FCRL3: variants seen among roughly 807,000 people sequenced by gnomAD.
FCRL3 encodes Fc receptor-like protein 3.
A neutral mutation model predicts 75.0 loss-of-function variants in FCRL3; 89 were observed. That is an observed-to-expected ratio of 1.19 (90% CI 1.00 to 1.42). The LOEUF is 1.42. Ranked by LOEUF, FCRL3 falls within the 40% of genes most tolerant of loss-of-function variation. The pLI is 0.00. For synonymous variants in FCRL3, 376 were observed against 348.5 expected (o/e 1.08, Z -0.88); for missense variants, 946 against 880.0 (o/e 1.07, Z -0.95).
intron 10 of FCRL3, among the ~76,000 whole-genome samples, 154 bp from the exon 11 acceptor site, chr1:157,683,398 A>G (rs1347881840): frequency 7.1e-6 from 1 of 141,262 alleles, no homozygotes; most frequent in Non-Finnish European, 1.5e-5. Context: ...TACTCCCCCT[A>G]TGTTATGTTA....
intron 13 of FCRL3, among the ~76,000 whole-genome samples, chr1:157,679,704 C>T (rs1410542706): frequency 6.6e-6 from 1 of 151,466 alleles, no homozygotes; most frequent in African/African-American, 2.4e-5. Context: ...TGATGCATGC[C>T]TGTAATCCCG....
rs772797473 is a variant in FCRL3, at chr1:157,698,384, C to G, written c.298G>C (p.Asp100His). The G allele has an allele frequency of 1.2e-6, 2 of 1,614,158 alleles. No homozygotes were observed. The highest frequency in any genetic ancestry group is 1.7e-6 in the Non-Finnish European group (2 of 1,180,010). Reference sequence around the variant, plus strand: ...TAGACACTCCCCTTCCATTCCTCACCAGGTGAAAATTCCACATGCACGGCA... The same window carrying G: ...TAGACACTCCCCTTCCATTCCTCACGAGGTGAAAATTCCACATGCACGGCA... ...SDAVHVEFSP[D>H]WLILQALHPV... The change falls in exon 4 of 15, where the codon GAC becomes CAC. Residue 100 changes from aspartate to histidine, a missense_variant and splice_region_variant. Transcript: ENST00000368184.
chr1:157,688,636 AG>A (rs1191133866), intron 10 of FCRL3, among the ~76,000 whole-genome samples: 1 of 151,642 alleles, frequency 6.6e-6, no homozygotes, highest in Non-Finnish European at 1.5e-5. Flanking sequence ...AAGGTCCTTC[AG>A]GCAGAACAAA....
rs1205478116 is a variant in FCRL3, at chr1:157,678,072, G to C, written c.*638C>G. On this transcript the variant is annotated 3_prime_UTR_variant, in exon 15 of 15. Transcript: ENST00000368184. Reference sequence around the variant, plus strand: ...CTTCACACATAAGGTCTTTGCAGTGGGGATACAAGTCACATATTAAACTAG... The same window carrying C: ...CTTCACACATAAGGTCTTTGCAGTGCGGATACAAGTCACATATTAAACTAG... 5.1e-6 allele frequency: 5 copies of C among 985,450 alleles called. No homozygotes were observed. Among genetic ancestry groups the C allele is most frequent in the Non-Finnish European group, 6.0e-6 (5 of 830,132 alleles). The allele number at this position is 985,450 out of a possible 1,614,324, so 61.0% of individuals were successfully genotyped here. A position where few individuals can be genotyped will look rare whatever the true frequency, so the allele number is the denominator to read the frequency against.
chr1:157,679,259 G>A (rs1273891617), intron 13 of FCRL3: 1 of 482,398 alleles, frequency 2.1e-6, no homozygotes, highest in East Asian at 3.8e-5. Flanking sequence ...CCCACCAAAT[G>A]CCCAGAACTA....
intron 13 of FCRL3, 30 bp downstream of exon 13, chr1:157,680,672 T>A (rs538914605): frequency 6.3e-7 from 1 of 1,597,266 alleles, no homozygotes; most frequent in South Asian, 1.1e-5. Flanking sequence ...CACTGCCACC[T>A]CACCTCTATT....
rs200122604 is a variant in FCRL3 at position 157,680,991 on chromosome 1, C to T, written c.1947G>A (p.Met649Ile). 6 of 1,587,250 alleles carry T rather than the reference C, an allele frequency of 3.8e-6. No individual in the cohort carries two copies. Among genetic ancestry groups the T allele is most frequent in the East Asian group, 2.2e-5 (1 of 44,788 alleles). ...CTAGGGAGTCCTCACCATTGCTGTA[C>T]ATTGGCTCCAGCTCCATTGGGGCTA... is the stretch of plus-strand genomic sequence containing the variant. ...KPLAPMELEP[M>I]YSNVNPGDSN... The change falls in exon 12 of 15, where the codon ATG becomes ATA. Residue 649 changes from methionine (M) to isoleucine (I), a missense_variant. Coordinates refer to ENST00000368184, the MANE Select transcript of FCRL3 (RefSeq NM_052939.4).
At position 157,678,671 on chromosome 1, in the gene FCRL3, G is replaced by T. The variant is rs751018056; in HGVS notation, c.*39C>A. 1.2e-6 allele frequency: 2 copies of T among 1,608,226 alleles called. No homozygotes were observed. The highest frequency in any genetic ancestry group is 1.7e-6 in the Non-Finnish European group (2 of 1,178,928). ...GGTTGGAGAGAACAGAAAAAAAAATGGTGCAGGCTGTTTCCTGTGGGCCAC... is the reference window on the plus strand; with the variant it reads ...GGTTGGAGAGAACAGAAAAAAAAATTGTGCAGGCTGTTTCCTGTGGGCCAC... On this transcript the variant is annotated 3_prime_UTR_variant, in exon 15 of 15. Transcript: ENST00000368184.
chr1:157,697,698 T>C lies in FCRL3; in HGVS notation c.520A>G (p.Ile174Val). 6.2e-7 allele frequency: 1 copy of C among 1,614,002 alleles called. No individual in the cohort carries two copies. Residue 174 changes from isoleucine (I) to valine (V), a missense_variant, in exon 5 of 15, where the codon ATT (isoleucine) becomes GTT (valine). Coordinates refer to ENST00000368184, the MANE Select transcript of FCRL3 (RefSeq NM_052939.4). ...TAYRKFYILD[I>V]EVTSKPLNIQ... is the part of the protein sequence containing the mutation. ...TTTAGGGGTTTTGAAGTTACTTCAA[T>C]GTCAAGTATGTAAAACTTCCTATAA...
chr1:157,685,926 T>TATGCATGGACA (rs1655147718), intron 10 of FCRL3, among the ~76,000 whole-genome samples: 2 of 152,048 alleles, frequency 1.3e-5, no homozygotes, highest in Non-Finnish European at 2.9e-5. Flanking sequence ...ACTATGCATG[T>TATGCATGGACA]CCACTATCAC....
At position 157,689,831 on chromosome 1, in the gene FCRL3, G is replaced by GAGCAGC. The variant is rs541277881; in HGVS notation, c.1771_1776dup (p.Ala591_Ala592dup). ...CTTCGGGCCCTGGCGTAATGCAGCA[G>GAGCAGC]AGCAGCAGCAGCAGCAAGGACGAGG... On this transcript the variant is annotated inframe_insertion, in exon 10 of 15. Coordinates refer to ENST00000368184, the MANE Select transcript of FCRL3 (RefSeq NM_052939.4). 1.4e-5 allele frequency: 23 copies of GAGCAGC among 1,614,116 alleles called. No homozygotes were observed. The highest frequency in any genetic ancestry group is 1.1e-4 in the East Asian group (5 of 44,878).
rs745639683 is a variant in FCRL3, at chr1:157,697,441, A to G, written c.560-17T>C. ...GAAACAGCTCTAATGAAAAGAAACA[A>G]CATAGTCTCCAGGGTGGTGAGGCTC... On this transcript the variant is annotated splice_polypyrimidine_tract_variant and intron_variant, in intron 5 of 14. Coordinates refer to ENST00000368184, the MANE Select transcript of FCRL3 (RefSeq NM_052939.4). 6.5e-7 allele frequency: 1 copy of G among 1,528,442 alleles called. No individual in the cohort carries two copies. Among genetic ancestry groups the G allele is most frequent in the East Asian group, 2.3e-5 (1 of 44,308 alleles). The allele number at this position is 1,528,442 out of a possible 1,614,324, so 94.7% of individuals were successfully genotyped here. A position where few individuals can be genotyped will look rare whatever the true frequency, so the allele number is the denominator to read the frequency against.
intron 10 of FCRL3, among the ~76,000 whole-genome samples, chr1:157,687,481 C>A (rs1225630848): frequency 1.5e-5 from 2 of 133,876 alleles, no homozygotes; most frequent in African/African-American, 2.8e-5. Flanking sequence ...AAGACACATG[C>A]ACTCATATGT....
chr1:157,679,830 C>A (rs11264795), intron 13 of FCRL3, among the ~76,000 whole-genome samples: 14,294 of 50,078 alleles, frequency 0.29, 1,837 homozygotes, highest in East Asian at 0.36. Flanking sequence ...CCCCATCTCA[C>A]AAAAAAAAAA....
chr1:157,693,979 A>G (rs1655733785), intron 8 of FCRL3, among the ~76,000 whole-genome samples: 1 of 152,058 alleles, frequency 6.6e-6, no homozygotes, highest in Non-Finnish European at 1.5e-5. Flanking sequence ...CAAACTCCTA[A>G]GCTCAAGTGA....
In FCRL3 at chr1:157,678,346, A is replaced by G. The variant is rs1376820803; in HGVS notation, c.*364T>C. ...TTTGGAGCAAATTGTTTATACAGAG[A>G]GCACATTAACAGCTTTCGATCACAC... On this transcript the variant is annotated 3_prime_UTR_variant, in exon 15 of 15. Coordinates refer to ENST00000368184, the MANE Select transcript of FCRL3 (RefSeq NM_052939.4). 6.6e-6 allele frequency: 7 copies of G among 1,057,124 alleles called. No individual in the cohort carries two copies. The highest frequency in any genetic ancestry group is 8.0e-6 in the Non-Finnish European group (7 of 874,860). 65.5% of individuals were successfully genotyped at this position (1,057,124 alleles called of 1,614,324 possible). A position where few individuals can be genotyped will look rare whatever the true frequency, so the allele number is the denominator to read the frequency against.
intron 4 of FCRL3, 135 bp from the exon 5 acceptor site, chr1:157,698,054 C>A: frequency 1.0e-6 from 1 of 989,294 alleles, no homozygotes; most frequent in Non-Finnish European, 1.5e-6. Context: ...CATGTGGCCC[C>A]AAATACCTGA....
Position 157,676,530 on chromosome 1 carries a change from T to C in FCRL3, c.*2180A>G. 1 of 552,002 alleles carries C rather than the reference T, an allele frequency of 1.8e-6. No homozygotes were observed. The highest frequency in any genetic ancestry group is 1.9e-5 in the African/African-American group (1 of 53,274). 34.2% of individuals were successfully genotyped at this position (552,002 alleles called of 1,614,324 possible). On this transcript the variant is annotated 3_prime_UTR_variant, in exon 15 of 15. Coordinates refer to ENST00000368184, the MANE Select transcript of FCRL3 (RefSeq NM_052939.4). ...TTCAAAGGCTCCACTAAAATTACTT[T>C]TTTTAGATTTCTGGGCTATGGGTTT... is the stretch of plus-strand genomic sequence containing the variant.
intron 10 of FCRL3, among the ~76,000 whole-genome samples, chr1:157,685,902 G>A (rs1655145822): frequency 6.6e-6 from 1 of 151,954 alleles, no homozygotes; most frequent in Non-Finnish European, 1.5e-5. Flanking sequence ...TTTAATTAAT[G>A]AAAAAGGGAC....
Sources: gnomAD v4.1 joint callset for allele counts (sites outside exome capture counted in the v4.1 genomes callset) on GRCh38, gnomAD v4.1.1 for gene constraint, MANE v1.5 for transcripts, NCBI Gene and HGNC (gene_info 2026-07-23, HGNC 2026-07-21) for gene names.